Variants in PPP1R14C observed in about 807,000 individuals in gnomAD.
PPP1R14C encodes protein phosphatase 1 regulatory subunit 14C.
PPP1R14C carries 16 observed loss-of-function variants against 20.4 expected under a neutral mutation model. The observed-to-expected ratio is 0.78, with a 90% CI of 0.53 to 1.19. The LOEUF (loss-of-function observed/expected upper bound fraction) is 1.19. PPP1R14C is among the 50% of genes most tolerant of loss of function. PPP1R14C has a pLI of 0.00. For synonymous variants in PPP1R14C, 91 were observed against 91.0 expected (o/e 1.00, Z 0.00); for missense variants, 211 against 220.1 (o/e 0.96, Z 0.26).
At chr6:150,222,510 A>G (rs1211939984) in intron 3 of PPP1R14C, among the ~76,000 whole-genome samples, 1 of 152,106 alleles carries the variant, frequency 6.6e-6, no homozygotes, top group Non-Finnish European at 1.5e-5. Context: ...ACTGTACATT[A>G]TGGATTTGAC....
intron 3 of PPP1R14C, among the ~76,000 whole-genome samples, chr6:150,220,587 C>T (rs960054969): frequency 2.6e-5 from 4 of 152,144 alleles, no homozygotes; most frequent in Non-Finnish European, 4.4e-5. Context: ...CCCCATTGGT[C>T]GCTGCAGACA....
chr6:150,218,160 T>C (rs1778118266), intron 3 of PPP1R14C, among the ~76,000 whole-genome samples: 4 of 152,030 alleles, frequency 2.6e-5, no homozygotes, highest in South Asian at 4.2e-4. Flanking sequence ...TCACAGCACT[T>C]TGGGGGGCCG....
Position 150,239,240 on chromosome 6 carries a change from A to G in PPP1R14C, c.424-9506A>G, listed in dbSNP as rs1425508068. Among the ~76,000 whole-genome samples the G allele has an allele frequency of 5.3e-5, 8 of 152,348 alleles. No homozygotes were observed. In the East Asian group the frequency reaches 1.5e-3, roughly 29 times the overall value. On this transcript the variant is annotated intron_variant, in intron 3 of 3. Coordinates refer to ENST00000361131, the MANE Select transcript of PPP1R14C (RefSeq NM_030949.3). ...TACAAGTTACATGGGAGGAGGCTGT[A>G]TAAAGGTAGTGGTGAAACATCAGCT...
At chr6:150,166,078 CTTT>C (rs373832861) in intron 1 of PPP1R14C, among the ~76,000 whole-genome samples, 2 of 143,640 alleles carry the variant, frequency 1.4e-5, no homozygotes, top group Non-Finnish European at 3.0e-5. Context: ...TCTTCTTCTT[CTTT>C]TTTTTTTTTT....
chr6:150,143,330 C>G lies in PPP1R14C; in HGVS notation c.138C>G (p.Asp46Glu), dbSNP rs553781481. ...SSSGSGSSRE[D>E]SAPVATAAAA... is the part of the protein sequence containing the mutation. ...GCGGCTCAGGCTCCTCCCGGGAGGA[C>G]TCGGCGCCCGTGGCCACGGCGGCCG... The change falls in exon 1 of 4, where the codon GAC (aspartate) becomes GAG (glutamate). Residue 46 changes from aspartate to glutamate, a missense_variant. By Grantham distance (45) the Asp-to-Glu change is conservative. Coordinates refer to ENST00000361131, the MANE Select transcript of PPP1R14C (RefSeq NM_030949.3). The surrounding 1 kb of genome is among the most constrained non-coding windows in gnomAD (Gnocchi z 5.6). The G allele has an allele frequency of 6.2e-7, 1 of 1,602,844 alleles. No homozygotes were observed. The highest frequency in any genetic ancestry group is 1.1e-5 in the South Asian group (1 of 89,538).
At chr6:150,160,256 CTTTTTT>C (rs535189665) in intron 1 of PPP1R14C, among the ~76,000 whole-genome samples, 3 of 100,890 alleles carry the variant, frequency 3.0e-5, no homozygotes, top group African/African-American at 4.1e-5. Flanking sequence ...GTAGCTCATT[CTTTTTT>C]TTTTTTTTTT....
chr6:150,196,830 G>A (rs182251744), intron 1 of PPP1R14C, among the ~76,000 whole-genome samples: 3 of 152,300 alleles, frequency 2.0e-5, no homozygotes, highest in South Asian at 2.1e-4. Context: ...CTTCATGGCC[G>A]AGTCAGAATA....
At chr6:150,200,909 T>C (rs1562267871) in intron 1 of PPP1R14C, among the ~76,000 whole-genome samples, 2 of 152,100 alleles carry the variant, frequency 1.3e-5, no homozygotes, top group African/African-American at 2.4e-5. Flanking sequence ...GGCTTGAATG[T>C]GTTGGGTGCC....
At position 150,185,821 on chromosome 6, in the gene PPP1R14C, A is replaced by G. The variant is rs540560309; in HGVS notation, c.307-28923A>G. On this transcript the variant is annotated intron_variant, in intron 1 of 3. Transcript: ENST00000361131. The surrounding 1 kb of genome is among the most constrained non-coding windows in gnomAD (Gnocchi z 4.1). ...CTGATGTAGGGGTTCTACCCTCACC[A>G]TCACTCAGGGACCTAGGCTGCTGAG... is the stretch of plus-strand genomic sequence containing the variant. Among the ~76,000 whole-genome samples, 1 of 152,260 alleles carries G rather than the reference A, an allele frequency of 6.6e-6. No individual in the cohort carries two copies. The highest frequency in any genetic ancestry group is 2.4e-5 in the African/African-American group (1 of 41,558).
chr6:150,181,278 G>A (rs1777619146), intron 1 of PPP1R14C, among the ~76,000 whole-genome samples: 1 of 152,086 alleles, frequency 6.6e-6, no homozygotes, highest in African/African-American at 2.4e-5. Context: ...TCGGGTTTAA[G>A]ACTCTCTTGC....
At chr6:150,234,926 A>C (rs993210661) in intron 3 of PPP1R14C, among the ~76,000 whole-genome samples, 1 of 151,406 alleles carries the variant, frequency 6.6e-6, no homozygotes, top group Non-Finnish European at 1.5e-5. Flanking sequence ...GGTGAATCTC[A>C]GAAATATTGA....
chr6:150,165,617 C>A (rs992138565), intron 1 of PPP1R14C, among the ~76,000 whole-genome samples: 6 of 152,084 alleles, frequency 3.9e-5, no homozygotes, highest in African/African-American at 1.4e-4. Flanking sequence ...AATTTTAGAA[C>A]ATTTGTTGTT....
intron 1 of PPP1R14C, among the ~76,000 whole-genome samples, chr6:150,187,263 G>C (rs1777688467): frequency 6.7e-6 from 1 of 148,984 alleles, no homozygotes; most frequent in African/African-American, 2.6e-5. Context: ...GTGTGTGTGT[G>C]TGTGTGTGTG....
chr6:150,144,757 C>T (rs1777163470), intron 1 of PPP1R14C, among the ~76,000 whole-genome samples: 1 of 152,252 alleles, frequency 6.6e-6, no homozygotes, highest in African/African-American at 2.4e-5. Flanking sequence ...TGAAGCTTGA[C>T]TGTATGACTA....
At chr6:150,172,526 T>C (rs1313561480) in intron 1 of PPP1R14C, among the ~76,000 whole-genome samples, 3 of 152,184 alleles carry the variant, frequency 2.0e-5, no homozygotes, top group African/African-American at 7.2e-5. Flanking sequence ...GATCCCCAGC[T>C]CTGAGCATCA....
At chr6:150,204,880 G>T (rs1777924804) in intron 1 of PPP1R14C, among the ~76,000 whole-genome samples, 1 of 152,106 alleles carries the variant, frequency 6.6e-6, no homozygotes, top group African/African-American at 2.4e-5. Context: ...TTCTTCCCAT[G>T]CTGTGCTCTG....
At chr6:150,152,415 C>A (rs969986896) in intron 1 of PPP1R14C, among the ~76,000 whole-genome samples, 1 of 152,156 alleles carries the variant, frequency 6.6e-6, no homozygotes, top group South Asian at 2.1e-4. Flanking sequence ...TTGTTCCGCA[C>A]AGCCTTCAGG....
rs563740890 is a variant in PPP1R14C at position 150,202,078 on chromosome 6, G to A, written c.307-12666G>A. On this transcript the variant is annotated intron_variant, in intron 1 of 3. Coordinates refer to ENST00000361131, the MANE Select transcript of PPP1R14C (RefSeq NM_030949.3). ...AAAGGCAGCTGAGCCTGTGTGCCCC[G>A]GGGGCCTGCCCTCTGACCCTGGTGT... Among the ~76,000 whole-genome samples, 9 of 152,226 alleles carry A rather than the reference G, an allele frequency of 5.9e-5. No individual in the cohort carries two copies. The South Asian group carries it at 1.7e-3, about 28-fold the overall frequency.
chr6:150,207,257 A>G (rs1341107694), intron 1 of PPP1R14C, among the ~76,000 whole-genome samples: 1 of 152,232 alleles, frequency 6.6e-6, no homozygotes, highest in Non-Finnish European at 1.5e-5. Context: ...ACAAATGTGT[A>G]TTAGGGAAAT....
Sources: gnomAD v4.1 joint callset for allele counts (sites outside exome capture counted in the v4.1 genomes callset) on GRCh38, gnomAD v4.1.1 for gene constraint, Gnocchi (gnomAD v3.1) non-coding constraint, MANE v1.5 for transcripts, NCBI Gene and HGNC (gene_info 2026-07-23, HGNC 2026-07-21) for gene names.